The following ANKS1B variants were observed in gnomAD, a reference collection of about 807,000 sequenced individuals.
The protein encoded by ANKS1B is ankyrin repeat and sterile alpha motif domain containing 1B, also known as ankyrin repeat and sterile alpha motif domain-containing protein 1B.
In ANKS1B, 36 loss-of-function variants were observed where a neutral mutation model predicts 148.3. That is an observed-to-expected ratio of 0.24 (90% CI 0.19 to 0.32). ANKS1B has a LOEUF of 0.32. Ranked by LOEUF, ANKS1B falls within the 10% of genes least tolerant of loss-of-function variation. The probability of loss-of-function intolerance (pLI) is 1.00; values close to 1 mark genes in which losing one functional copy is unlikely to be tolerated. For synonymous variants in ANKS1B, 542 were observed against 560.8 expected (o/e 0.97, Z 0.47); for missense variants, 1,157 against 1,542.6 (o/e 0.75, Z 4.19).
At chr12:99,606,713 A>G (rs1408455096) in intron 9 of ANKS1B, among the ~76,000 whole-genome samples, 1 of 152,160 alleles carries the variant, frequency 6.6e-6, no homozygotes, top group Non-Finnish European at 1.5e-5. Context: ...GAATTTTTAA[A>G]CTATGACAAG....
intron 6 of ANKS1B, 26 bp from the exon 7 acceptor site, chr12:99,775,687 C>CAT: frequency 1.6e-6 from 2 of 1,275,592 alleles, no homozygotes; most frequent in South Asian, 3.1e-5. Flanking sequence ...TTTGAGATTA[C>CAT]ATACTTGAAT....
chr12:98,830,376 G>T (rs1240666577), intron 18 of ANKS1B, among the ~76,000 whole-genome samples: 1 of 152,010 alleles, frequency 6.6e-6, no homozygotes, highest in Non-Finnish European at 1.5e-5. Context: ...AATGCCCCCA[G>T]TAATTAATTA....
intron 11 of ANKS1B, among the ~76,000 whole-genome samples, chr12:99,405,216 A>G (rs1317082044): frequency 6.9e-6 from 1 of 145,856 alleles, no homozygotes; most frequent in Non-Finnish European, 1.5e-5. Context: ...CTGAAGGTAC[A>G]TAACTCATGA....
rs115676575 is a variant in ANKS1B, at chr12:99,588,898, C to A, written c.1272+66169G>T. Among the ~76,000 whole-genome samples, 7 of 152,040 alleles carry A rather than the reference C, an allele frequency of 4.6e-5. 1 individual carries two copies. The highest frequency in any genetic ancestry group is 1.4e-4 in the African/African-American group (6 of 41,388). On this transcript the variant is annotated intron_variant, in intron 9 of 26. Transcript: ENST00000683438. Reference sequence around the variant, plus strand: ...TTAAACTGATATATTTTTCCATTTCCCCTAAATTATAGTGACTTGCATTTC... The same window carrying A: ...TTAAACTGATATATTTTTCCATTTCACCTAAATTATAGTGACTTGCATTTC...
intron 17 of ANKS1B, among the ~76,000 whole-genome samples, chr12:98,975,927 T>C (rs1369321682): frequency 6.6e-6 from 1 of 152,214 alleles, no homozygotes; most frequent in East Asian, 1.9e-4. Flanking sequence ...ATAGGGCGGC[T>C]TCATTCATCC....
At chr12:99,979,520 A>AG (rs1467978780) in intron 1 of ANKS1B, among the ~76,000 whole-genome samples, 1 of 152,086 alleles carries the variant, frequency 6.6e-6, no homozygotes. Context: ...ACTTCAGGAG[A>AG]TTACTGAAGG....
At chr12:99,545,720 A>T (rs1222405965) in intron 9 of ANKS1B, among the ~76,000 whole-genome samples, 1 of 150,744 alleles carries the variant, frequency 6.6e-6, no homozygotes, top group African/African-American at 2.4e-5. Flanking sequence ...CACCATTTCC[A>T]TGTACCTTTT....
In ANKS1B at chr12:99,364,719, T is replaced by C. The variant is rs531363619; in HGVS notation, c.1756+34912A>G. On this transcript the variant is annotated intron_variant, in intron 12 of 26. Coordinates refer to ENST00000683438, the MANE Select transcript of ANKS1B (RefSeq NM_001352186.2). ...TGTTTTCTGGTCATGTTTTTACTGA[T>C]GGTAGTTTTATATCATAAACTTATC... Among the ~76,000 whole-genome samples the C allele has an allele frequency of 2.6e-5, 4 of 152,324 alleles. No individual in the cohort carries two copies. The East Asian group carries it at 5.8e-4, about 22-fold the overall frequency.
chr12:99,942,481 A>G (rs1430098643), intron 1 of ANKS1B, among the ~76,000 whole-genome samples: 2 of 152,136 alleles, frequency 1.3e-5, no homozygotes, highest in East Asian at 3.9e-4. Context: ...AAAATGAAGG[A>G]AAAGAAAATG....
chr12:99,184,365 A>AGAG (rs1354407849), intron 14 of ANKS1B, among the ~76,000 whole-genome samples: 6 of 152,318 alleles, frequency 3.9e-5, no homozygotes, highest in African/African-American at 1.4e-4. Context: ...AATTTGGCCT[A>AGAG]GAGGACTGAT....
At chr12:99,390,342 A>G (rs1017217488) in intron 12 of ANKS1B, among the ~76,000 whole-genome samples, 1 of 152,130 alleles carries the variant, frequency 6.6e-6, no homozygotes, top group African/African-American at 2.4e-5. Context: ...CCCTCACGGA[A>G]GAAAAGGTGG....
chr12:98,800,984 G>C lies in ANKS1B; in HGVS notation c.3270+13C>G, dbSNP rs771232000. On this transcript the variant is annotated intron_variant, in intron 21 of 26. Coordinates refer to ENST00000683438, the MANE Select transcript of ANKS1B (RefSeq NM_001352186.2). ...TCCACTTAGGCCCAAATACTGAATT[G>C]AGGGTAACTTACAAAAGCTTTGTAA... is the stretch of plus-strand genomic sequence containing the variant. The C allele has an allele frequency of 1.9e-6, 3 of 1,609,874 alleles. No homozygotes were observed. The highest frequency in any genetic ancestry group is 2.5e-6 in the Non-Finnish European group (3 of 1,177,696).
chr12:99,585,201 C>T (rs2153231236), intron 9 of ANKS1B, among the ~76,000 whole-genome samples: 1 of 152,262 alleles, frequency 6.6e-6, no homozygotes. Flanking sequence ...TGGGTAAATA[C>T]ACCCATTCCA....
chr12:98,974,297 T>C (rs374595690), intron 17 of ANKS1B, among the ~76,000 whole-genome samples: 2 of 152,310 alleles, frequency 1.3e-5, no homozygotes, highest in South Asian at 4.1e-4. Flanking sequence ...CCACTATCCA[T>C]GTTCAAATTC....
intron 15 of ANKS1B, among the ~76,000 whole-genome samples, chr12:99,120,213 C>T (rs1368186950): frequency 5.3e-5 from 8 of 152,272 alleles, no homozygotes; most frequent in Middle Eastern, 3.4e-3. Context: ...GGAAGGAAAC[C>T]GGAGTGCCTG....
rs115668105 is a variant in ANKS1B, at chr12:99,877,492, G to A, written c.135-52103C>T. On this transcript the variant is annotated intron_variant, in intron 1 of 26. Transcript: ENST00000683438. ...GAAGCCTCCAAATCTAGGAAACATA[G>A]GCTCTAACAATCTCACTTTGATAGA... Among the ~76,000 whole-genome samples the A allele has an allele frequency of 8.2e-3, 1,248 of 152,244 alleles. 15 individuals carry two copies. Among genetic ancestry groups the A allele is most frequent in the African/African-American group, 0.028 (1,183 of 41,530 alleles).
chr12:99,204,793 G>T (rs2082451819), intron 14 of ANKS1B, among the ~76,000 whole-genome samples: 1 of 152,166 alleles, frequency 6.6e-6, no homozygotes, highest in South Asian at 2.1e-4. Flanking sequence ...GCCTTATTGA[G>T]GGTAGCCCGT....
At chr12:99,932,381 A>C (rs1200462760) in intron 1 of ANKS1B, among the ~76,000 whole-genome samples, 1 of 152,152 alleles carries the variant, frequency 6.6e-6, no homozygotes, top group Admixed American at 6.6e-5. Flanking sequence ...ACTAATTTAC[A>C]TTCCCACCAA....
chr12:99,435,190 G>A (rs1025440992), intron 11 of ANKS1B, among the ~76,000 whole-genome samples: 2 of 151,932 alleles, frequency 1.3e-5, no homozygotes, highest in African/African-American at 2.4e-5. Context: ...TCTGGATTCC[G>A]GCTTTTCCCT....
Sources: gnomAD v4.1 joint callset for allele counts (sites outside exome capture counted in the v4.1 genomes callset) on GRCh38, gnomAD v4.1.1 for gene constraint, MANE v1.5 for transcripts, NCBI Gene and HGNC (gene_info 2026-07-23, HGNC 2026-07-21) for gene names.